Variants in NLRP5 observed in about 807,000 individuals in gnomAD.
NLRP5 encodes NLR family pyrin domain containing 5, also known as NACHT, LRR and PYD domains-containing protein 5.
NLRP5 carries 93 observed loss-of-function variants against 113.1 expected under a neutral mutation model. The ratio of observed to expected loss-of-function variants is 0.82; its 90% CI spans 0.70 to 0.98. The LOEUF (loss-of-function observed/expected upper bound fraction) is 0.98, where lower values mean the gene tolerates loss of function less well. NLRP5 is among the 50% of genes least tolerant of loss of function. NLRP5 has a pLI of 0.00. For synonymous variants in NLRP5, 751 were observed against 600.7 expected (o/e 1.25, Z -3.66); for missense variants, 1,808 against 1,514.3 (o/e 1.19, Z -3.22).
chr19:56,032,360 AGATCT>A (rs1037169947), intron 7 of NLRP5, among the ~76,000 whole-genome samples: 1 of 148,170 alleles, frequency 6.7e-6, no homozygotes, highest in African/African-American at 2.5e-5. Flanking sequence ...AAAAAAAAAA[AGATCT>A]GATTCAGGAG....
chr19:56,008,032 C>G (rs113859286), intron 2 of NLRP5, among the ~76,000 whole-genome samples: 16,590 of 103,778 alleles, frequency 0.16, 2,064 homozygotes, highest in Non-Finnish European at 0.22. Flanking sequence ...GGGTTCGTGC[C>G]ATTCTCCTGC....
At chr19:56,061,272 G>A (rs1599918420) in intron 14 of NLRP5, 124 bp from the exon 15 acceptor site, 1 of 961,298 alleles carries the variant, frequency 1.0e-6, no homozygotes, top group Non-Finnish European at 1.5e-6. Flanking sequence ...TAACTCTTTG[G>A]GGCACGTTCC....
chr19:55,999,351 G>T (rs1981527633), upstream of NLRP5, among the ~76,000 whole-genome samples: 1 of 151,414 alleles, frequency 6.6e-6, no homozygotes, highest in African/African-American at 2.4e-5. Flanking sequence ...AGTAGCTGGG[G>T]TTACAGGTGC....
In NLRP5 at chr19:56,010,742, C is replaced by CA. The variant is rs1412317286; in HGVS notation, c.508+1902dup. 3.1e-3 allele frequency among the ~76,000 whole-genome samples: 127 copies of CA among 41,280 alleles called. 12 individuals are homozygous for CA. The highest frequency in any genetic ancestry group is 0.011 in the African/African-American group (101 of 9,614). 27.1% of individuals were successfully genotyped at this position (41,280 alleles called of 152,430 possible). A position where few individuals can be genotyped will look rare whatever the true frequency, so the allele number is the denominator to read the frequency against. The stretch of plus-strand genomic sequence containing the variant: ...GGGAAACAAGAGCTTAACTCTGTCT[C>CA]AAAAAAAAAAAAAGTCCCTTGAAAC... On this transcript the variant is annotated intron_variant, in intron 3 of 14. Transcript: ENST00000390649.
At chr19:56,010,382 C>T (rs933681234) in intron 3 of NLRP5, among the ~76,000 whole-genome samples, 3 of 152,116 alleles carry the variant, frequency 2.0e-5, no homozygotes, top group Admixed American at 2.0e-4. Flanking sequence ...ACACTCTACC[C>T]TCAAGGAGCT....
intron 7 of NLRP5, among the ~76,000 whole-genome samples, chr19:56,030,714 C>CTTTTTTTTTTTTTTT (rs770624516): frequency 0.037 from 2,610 of 70,974 alleles, 472 homozygotes; most frequent in Non-Finnish European, 0.044. Flanking sequence ...CTTTCTTCTT[C>CTTTTTTTTTTTTTTT]TTTTTTTTTT....
intron 2 of NLRP5, among the ~76,000 whole-genome samples, chr19:56,004,491 A>G (rs557159312): frequency 1.3e-5 from 2 of 152,268 alleles, no homozygotes; most frequent in African/African-American, 2.4e-5. Context: ...CAAAAGTTCA[A>G]TAATGTGTAA....
chr19:56,018,961 C>G (rs1366645136), intron 4 of NLRP5, among the ~76,000 whole-genome samples: 1 of 152,012 alleles, frequency 6.6e-6, no homozygotes, highest in African/African-American at 2.4e-5. Context: ...CCCTGGCTAA[C>G]TTTTTGTATT....
rs1287116307 is a variant in NLRP5, at chr19:56,038,195, T to A, written c.2786T>A (p.Ile929Lys). 6.2e-7 allele frequency: 1 copy of A among 1,613,064 alleles called. No individual in the cohort carries two copies. Among genetic ancestry groups the A allele is most frequent in the Non-Finnish European group, 8.5e-7 (1 of 1,179,366 alleles). The change falls in exon 10 of 15, where the codon ATA (isoleucine) becomes AAA (lysine). Residue 929 changes from isoleucine to lysine, a missense_variant and splice_region_variant. Ile to Lys is a moderately radical substitution (Grantham distance 102). Transcript: ENST00000390649. ...TCCCAGTGCGCCCTGCAGAAGCTGA[T>A]GTGAGTGCCACTTCCTTTCCACCAG...
intron 1 of NLRP5, among the ~76,000 whole-genome samples, chr19:56,002,172 C>A (rs956999034): frequency 5.9e-5 from 9 of 152,180 alleles, no homozygotes; most frequent in Admixed American, 1.3e-4. Context: ...CGACATTAAT[C>A]TTTTCATGTG....
intron 13 of NLRP5, among the ~76,000 whole-genome samples, chr19:56,056,557 T>TAA (rs200396991): frequency 4.0e-5 from 6 of 151,652 alleles, no homozygotes; most frequent in Non-Finnish European, 8.8e-5. Flanking sequence ...ACTCTATTTC[T>TAA]AAAAAACAAA....
intron 7 of NLRP5, among the ~76,000 whole-genome samples, chr19:56,031,567 G>T (rs1252609904): frequency 2.7e-5 from 4 of 148,938 alleles, no homozygotes; most frequent in Non-Finnish European, 4.4e-5. Flanking sequence ...GGAGGCAGAG[G>T]TTGCAGTGAG....
chr19:56,050,925 C>T (rs1983911000), intron 12 of NLRP5, among the ~76,000 whole-genome samples: 1 of 152,196 alleles, frequency 6.6e-6, no homozygotes, highest in Admixed American at 6.5e-5. Context: ...ATCTCTTTCC[C>T]TCTGGGGCTC....
At chr19:56,011,683 T>A (rs1982197651) in intron 3 of NLRP5, among the ~76,000 whole-genome samples, 1 of 150,650 alleles carries the variant, frequency 6.6e-6, no homozygotes, top group Non-Finnish European at 1.5e-5. Context: ...TTTTTTCTTT[T>A]CCTATGTCTT....
In NLRP5 at chr19:56,031,192, G is replaced by A. The variant is rs78516478; in HGVS notation, c.2277-1419G>A. On this transcript the variant is annotated intron_variant, in intron 7 of 14. Transcript: ENST00000390649. ...ACGATACAATATTAACTACAGGCAC[G>A]ACATTGAACAATGGATCTCTAGAAC... 3.0e-3 allele frequency among the ~76,000 whole-genome samples: 464 copies of A among 152,140 alleles called. 4 individuals carry two copies. The highest frequency in any genetic ancestry group is 0.01 in the Middle Eastern group (3 of 294).
intron 11 of NLRP5, among the ~76,000 whole-genome samples, chr19:56,044,770 G>T (rs967926818): frequency 2.0e-5 from 3 of 152,146 alleles, no homozygotes; most frequent in Admixed American, 6.5e-5. Flanking sequence ...GATGGGGATT[G>T]CGTTGAATTT....
intron 2 of NLRP5, 137 bp downstream of exon 2, chr19:56,004,232 G>T: frequency 1.1e-6 from 1 of 918,700 alleles, no homozygotes; most frequent in Non-Finnish European, 1.6e-6. Context: ...GGATCCTATT[G>T]GTCATCGTCA....
At chr19:55,999,580 T>C, upstream of NLRP5, 1 of 669,426 alleles carries the variant, frequency 1.5e-6, no homozygotes, top group East Asian at 2.6e-5. Flanking sequence ...TTCCCATGCA[T>C]GCTCTGTGCC....
chr19:56,041,501 C>T (rs988194015), intron 11 of NLRP5, among the ~76,000 whole-genome samples: 7 of 152,268 alleles, frequency 4.6e-5, no homozygotes, highest in Non-Finnish European at 4.4e-5. Context: ...ACTTGATACA[C>T]ATCGTTGATT....
Sources: allele counts gnomAD v4.1 joint callset (sites outside exome capture counted in the v4.1 genomes callset), GRCh38; gene constraint gnomAD v4.1.1; transcripts MANE v1.5; gene names NCBI Gene and HGNC (gene_info 2026-07-23, HGNC 2026-07-21).